MARCHF1: variants seen among roughly 807,000 people sequenced by gnomAD.
MARCHF1 encodes membrane associated ring-CH-type finger 1.
In MARCHF1, 40 loss-of-function variants were observed where a neutral mutation model predicts 54.2. The observed-to-expected ratio is 0.74, with a 90% CI of 0.57 to 0.96. The LOEUF (loss-of-function observed/expected upper bound fraction) is 0.96, where lower values mean the gene tolerates loss of function less well. Among genes scored for constraint, MARCHF1 ranks in the 40% least tolerant of loss-of-function variants. MARCHF1 has a pLI of 0.00. For synonymous variants in MARCHF1, 236 were observed against 236.3 expected (o/e 1.00, Z 0.01); for missense variants, 586 against 656.5 (o/e 0.89, Z 1.17).
At chr4:164,348,484 A>T (rs534805326) in intron 1 of MARCHF1, among the ~76,000 whole-genome samples, 2 of 152,248 alleles carry the variant, frequency 1.3e-5, no homozygotes, top group East Asian at 1.9e-4. Flanking sequence ...CATAGATATG[A>T]CGTAGCTTAT....
chr4:163,986,246 C>CTTTTTTTTTTTTTTTTTTTTTTT (rs1752861022), intron 3 of MARCHF1, among the ~76,000 whole-genome samples: 6 of 73,772 alleles, frequency 8.1e-5, no homozygotes, highest in Non-Finnish European at 1.4e-4. Context: ...TAATTAACCT[C>CTTTTTTTTTTTTTTTTTTTTTTT]TTCTTTTTTT....
At chr4:164,005,447 C>T (rs1182695117) in intron 2 of MARCHF1, among the ~76,000 whole-genome samples, 1 of 152,116 alleles carries the variant, frequency 6.6e-6, no homozygotes, top group Non-Finnish European at 1.5e-5. Context: ...AAACTCTGAG[C>T]AGATGGTAGG....
At chr4:164,172,903 C>A (rs1730565742) in intron 1 of MARCHF1, among the ~76,000 whole-genome samples, 1 of 150,014 alleles carries the variant, frequency 6.7e-6, no homozygotes, top group Admixed American at 6.7e-5. Flanking sequence ...ATGGCGTGAA[C>A]CCGCAAGGCG....
intron 3 of MARCHF1, among the ~76,000 whole-genome samples, chr4:163,931,612 G>A (rs751324411): frequency 3.3e-5 from 5 of 152,098 alleles, no homozygotes; most frequent in South Asian, 2.1e-4. Context: ...ATACATTTCC[G>A]TTGTTTATAA....
At chr4:164,027,175 G>A (rs1281290541) in intron 2 of MARCHF1, among the ~76,000 whole-genome samples, 1 of 151,528 alleles carries the variant, frequency 6.6e-6, no homozygotes, top group East Asian at 1.9e-4. Flanking sequence ...GCAATTTACA[G>A]ATTCAATGCA....
At chr4:163,774,302 G>T (rs1314867160) in intron 4 of MARCHF1, among the ~76,000 whole-genome samples, 1 of 152,046 alleles carries the variant, frequency 6.6e-6, no homozygotes, top group Non-Finnish European at 1.5e-5. Context: ...ATCCACTGTT[G>T]GTAGACTCCA....
At chr4:163,916,249 C>T (rs780945114) in intron 3 of MARCHF1, among the ~76,000 whole-genome samples, 4 of 152,084 alleles carry the variant, frequency 2.6e-5, no homozygotes, top group East Asian at 1.9e-4. Flanking sequence ...CTCAGTCTTT[C>T]GAAAGAGGGA....
At chr4:164,251,936 T>A (rs1056640872) in intron 1 of MARCHF1, among the ~76,000 whole-genome samples, 1 of 152,138 alleles carries the variant, frequency 6.6e-6, no homozygotes, top group African/African-American at 2.4e-5. Flanking sequence ...AAAATTATTT[T>A]TATTTGATTA....
At chr4:163,839,648 G>C (rs1749283745) in intron 4 of MARCHF1, among the ~76,000 whole-genome samples, 1 of 152,078 alleles carries the variant, frequency 6.6e-6, no homozygotes, top group Non-Finnish European at 1.5e-5. Flanking sequence ...GTCTAGATTA[G>C]ACACATCTAC....
intron 1 of MARCHF1, among the ~76,000 whole-genome samples, chr4:164,372,175 T>C (rs1227938475): frequency 6.6e-6 from 1 of 152,238 alleles, no homozygotes; most frequent in Non-Finnish European, 1.5e-5. Context: ...TAGTATTCAA[T>C]TGCATCAAAA....
Position 163,832,273 on chromosome 4 carries a change from A to C in MARCHF1, c.111+21748T>G, listed in dbSNP as rs1749047478. On this transcript the variant is annotated intron_variant, in intron 4 of 9. Transcript: ENST00000514618. The stretch of plus-strand genomic sequence containing the variant: ...GAGAATAAAGAACAAATTAGGACTC[A>C]TCAAGGTCAAAAGTCAGAAATGCAA... Among the ~76,000 whole-genome samples, 6 of 152,228 alleles carry C rather than the reference A, an allele frequency of 3.9e-5. No individual in the cohort carries two copies. In the South Asian group the frequency reaches 1.2e-3, roughly 31 times the overall value.
chr4:164,381,554 G>A (rs1353504046), intron 1 of MARCHF1, among the ~76,000 whole-genome samples: 1 of 151,926 alleles, frequency 6.6e-6, no homozygotes. Context: ...ACATCTTATC[G>A]CTAAAGGTAA....
chr4:163,808,685 C>G (rs1748297566), intron 4 of MARCHF1, among the ~76,000 whole-genome samples: 1 of 152,134 alleles, frequency 6.6e-6, no homozygotes, highest in Non-Finnish European at 1.5e-5. Flanking sequence ...TCTCCTGCCT[C>G]AGCCTCCCAA....
At chr4:164,024,057 G>A (rs2110974940) in intron 2 of MARCHF1, among the ~76,000 whole-genome samples, 1 of 152,106 alleles carries the variant, frequency 6.6e-6, no homozygotes, top group South Asian at 2.1e-4. Flanking sequence ...TTTTGGAAAT[G>A]AACAAAACCT....
intron 4 of MARCHF1, among the ~76,000 whole-genome samples, chr4:163,837,201 T>C (rs937740475): frequency 2.6e-5 from 4 of 152,144 alleles, no homozygotes; most frequent in Admixed American, 2.0e-4. Flanking sequence ...CCAGTGCTAA[T>C]AGACTTGGTG....
chr4:164,274,707 C>T (rs368619116), intron 1 of MARCHF1, among the ~76,000 whole-genome samples: 5 of 101,366 alleles, frequency 4.9e-5, no homozygotes, highest in East Asian at 3.0e-4. Flanking sequence ...GACGGAGTCT[C>T]GCTCTGTCTC....
At chr4:164,303,959 C>T (rs1156823061) in intron 1 of MARCHF1, among the ~76,000 whole-genome samples, 1 of 152,228 alleles carries the variant, frequency 6.6e-6, no homozygotes, top group Non-Finnish European at 1.5e-5. Flanking sequence ...TTTCCTATCC[C>T]TATTTACCGC....
At chr4:163,959,449 A>G (rs1176993085) in intron 3 of MARCHF1, among the ~76,000 whole-genome samples, 2 of 152,000 alleles carry the variant, frequency 1.3e-5, no homozygotes, top group African/African-American at 2.4e-5. Flanking sequence ...ACAGCATGGT[A>G]TTGGTACAAA....
At chr4:163,833,575 C>T (rs1015198530) in intron 4 of MARCHF1, among the ~76,000 whole-genome samples, 5 of 152,140 alleles carry the variant, frequency 3.3e-5, no homozygotes, top group Non-Finnish European at 5.9e-5. Context: ...ACAGACACTT[C>T]TCAAAAGAAG....
Sources: gnomAD v4.1 joint callset for allele counts (sites outside exome capture counted in the v4.1 genomes callset) on GRCh38, gnomAD v4.1.1 for gene constraint, MANE v1.5 for transcripts, NCBI Gene and HGNC (gene_info 2026-07-23, HGNC 2026-07-21) for gene names.